CDH2: variants seen among roughly 807,000 people sequenced by gnomAD.
CDH2 encodes the protein cadherin-2.
A neutral mutation model predicts 92.0 loss-of-function variants in CDH2; 17 were observed. The ratio of observed to expected loss-of-function variants is 0.18; its 90% confidence interval spans 0.13 to 0.28. CDH2 has a LOEUF of 0.28. Ranked by LOEUF, CDH2 falls within the 10% of genes least tolerant of loss-of-function variation. The pLI is 1.00. For synonymous variants in CDH2, 419 were observed against 415.9 expected, an observed-to-expected ratio of 1.01 and a Z score of -0.09; for missense variants, 862 against 1,133.1, an observed-to-expected ratio of 0.76 and a Z score of 3.44.
chr18:27,989,972 A>G (rs2012357413), intron 10 of CDH2, 125 bp downstream of exon 10: 4 of 774,696 alleles, frequency 5.2e-6, no homozygotes, highest in Non-Finnish European at 8.1e-6. Context: ...AGAATTTTAA[A>G]TTATCTTTTA....
At chr18:27,959,134 A>G (rs2011332189) in intron 15 of CDH2, among the ~76,000 whole-genome samples, 1 of 152,194 alleles carries the variant, frequency 6.6e-6, no homozygotes, top group Non-Finnish European at 1.5e-5. Context: ...TTAATATCTA[A>G]CTGTTGGGCT....
intron 2 of CDH2, among the ~76,000 whole-genome samples, chr18:28,087,520 C>T (rs2014956048): frequency 6.6e-6 from 1 of 152,084 alleles, no homozygotes; most frequent in African/African-American, 2.4e-5. Flanking sequence ...GAAATGACAC[C>T]AGTTAGATAA....
chr18:28,174,964 T>TA lies in CDH2; in HGVS notation c.60+1998dup, dbSNP rs202127684. Among the ~76,000 whole-genome samples the TA allele has an allele frequency of 2.8e-3, 432 of 151,902 alleles. 2 individuals carry two copies. Among genetic ancestry groups the TA allele is most frequent in the Admixed American group, 7.8e-3 (119 of 15,272 alleles). ...AAAAAATGTATCACATCTCCTTTGT[T>TA]AAAAAAAAATCCTAATACACAGGAG... On this transcript the variant is annotated intron_variant, in intron 1 of 15. Transcript: ENST00000269141.
chr18:27,983,125 T>C (rs1276886949), intron 13 of CDH2, 42 bp from the exon 14 acceptor site: 3 of 1,525,160 alleles, frequency 2.0e-6, no homozygotes, highest in South Asian at 1.2e-5. Flanking sequence ...TTGTCATTTT[T>C]AAAGCCTGGC....
intron 1 of CDH2, among the ~76,000 whole-genome samples, chr18:28,152,446 G>A (rs2016138697): frequency 6.6e-6 from 1 of 152,200 alleles, no homozygotes; most frequent in Admixed American, 6.5e-5. Context: ...GCAAAGCCCA[G>A]GGCAGGGAAT....
intron 2 of CDH2, among the ~76,000 whole-genome samples, chr18:28,076,261 A>G (rs554326979): frequency 6.6e-6 from 1 of 152,272 alleles, no homozygotes; most frequent in Non-Finnish European, 1.5e-5. Flanking sequence ...ACATTTTGTT[A>G]CCTGCTGATG....
chr18:28,100,320 G>C (rs2015206631), intron 2 of CDH2, among the ~76,000 whole-genome samples: 1 of 152,212 alleles, frequency 6.6e-6, no homozygotes, highest in Admixed American at 6.5e-5. Context: ...TTCTGAGTAA[G>C]AGAGAACTCC....
intron 5 of CDH2, among the ~76,000 whole-genome samples, chr18:28,007,165 A>AAAAT (rs1172779200): frequency 0.021 from 2,339 of 110,318 alleles, 31 homozygotes; most frequent in Non-Finnish European, 0.03. Flanking sequence ...ATAAAAAAAA[A>AAAAT]ATATATATAT....
At chr18:28,168,132 C>T (rs1007426279) in intron 1 of CDH2, among the ~76,000 whole-genome samples, 1 of 151,892 alleles carries the variant, frequency 6.6e-6, no homozygotes, top group Non-Finnish European at 1.5e-5. Context: ...TTTCAGATTC[C>T]ACTTAATAGT....
At chr18:28,170,663 T>C (rs1348808963) in intron 1 of CDH2, among the ~76,000 whole-genome samples, 2 of 152,118 alleles carry the variant, frequency 1.3e-5, no homozygotes, top group Non-Finnish European at 2.9e-5. Context: ...CTTTTTTAGG[T>C]TCATGACTAT....
chr18:27,943,275 C>A (rs934490936), intron 6 of CDH2, among the ~76,000 whole-genome samples: 3 of 152,204 alleles, frequency 2.0e-5, no homozygotes, highest in Non-Finnish European at 2.9e-5. Flanking sequence ...TAAGTGTGAG[C>A]TCTGGAGCTA....
At chr18:28,006,088 C>T (rs1211158357) in intron 5 of CDH2, 95 bp from the exon 6 acceptor site, 1 of 1,002,512 alleles carries the variant, frequency 1.0e-6, no homozygotes, top group Admixed American at 2.3e-5. Context: ...CAAGAATAAA[C>T]TCACAGCTGA....
chr18:28,115,204 G>A (rs2015476939), intron 2 of CDH2, among the ~76,000 whole-genome samples: 1 of 152,166 alleles, frequency 6.6e-6, no homozygotes, highest in Non-Finnish European at 1.5e-5. Flanking sequence ...GGTAGGTGTT[G>A]AGGCTGCAGC....
chr18:28,106,612 C>T lies in CDH2; in HGVS notation c.172+41061G>A, dbSNP rs1022893857. Among the ~76,000 whole-genome samples the T allele has an allele frequency of 7.2e-5, 11 of 152,158 alleles. No individual in the cohort carries two copies. The South Asian group carries it at 2.1e-3, about 29-fold the overall frequency. On this transcript the variant is annotated intron_variant, in intron 2 of 15. Coordinates refer to ENST00000269141, the MANE Select transcript of CDH2 (RefSeq NM_001792.5). ...TGTAACCACTGAACAGTGAGGAAGA[C>T]CACAAGATGAGCTACTTTTCTGTTT...
intron 2 of CDH2, chr18:28,045,471 C>A (rs1303092788): frequency 8.6e-6 from 4 of 464,202 alleles, no homozygotes; most frequent in Admixed American, 7.2e-5. Flanking sequence ...TCAATTCTCT[C>A]ATCATGGTCT....
At chr18:28,016,485 T>G (rs1380234040) in intron 2 of CDH2, among the ~76,000 whole-genome samples, 7 of 152,194 alleles carry the variant, frequency 4.6e-5, no homozygotes, top group African/African-American at 1.7e-4. Context: ...TTCTACTTTT[T>G]ATTAGGTTGT....
Position 28,156,666 on chromosome 18 carries a change from TGTCACCTTCCCAGGTAC to T in CDH2, c.61-8899_61-8883del, listed in dbSNP as rs1233583641. 4.6e-5 allele frequency among the ~76,000 whole-genome samples: 3 copies of T among 65,088 alleles called. 1 individual carries two copies. The highest frequency in any genetic ancestry group is 1.5e-4 in the Admixed American group (1 of 6,654). The allele number at this position is 65,088 out of a possible 152,430, so 42.7% of individuals were successfully genotyped here. ...GCATGTCACCTTCCCAGGTGCAGAA[TGTCACCTTCCCAGGTAC>T]AGCATGTCACCTTCCCAGGTACAGC... On this transcript the variant is annotated intron_variant, in intron 1 of 15. Transcript: ENST00000269141.
intron 2 of CDH2, among the ~76,000 whole-genome samples, chr18:28,021,042 G>A (rs1440054904): frequency 1.3e-5 from 2 of 151,848 alleles, no homozygotes; most frequent in Non-Finnish European, 2.9e-5. Context: ...TAAAGGAATG[G>A]ATGGTTGTCT....
At chr18:28,166,420 C>A (rs2016386508) in intron 1 of CDH2, among the ~76,000 whole-genome samples, 1 of 151,516 alleles carries the variant, frequency 6.6e-6, no homozygotes, top group African/African-American at 2.4e-5. Context: ...GATCATAAAC[C>A]AAATCATGAA....
Sources: gnomAD v4.1 joint callset for allele counts (sites outside exome capture counted in the v4.1 genomes callset) on GRCh38, gnomAD v4.1.1 for gene constraint, MANE v1.5 for transcripts, NCBI Gene and HGNC (gene_info 2026-07-23, HGNC 2026-07-21) for gene names.